Variants in COXFA4 observed in about 807,000 individuals in gnomAD.
The protein encoded by COXFA4 is cytochrome c oxidase subunit FA4.
At chr7:10,939,414 G>A in the COXFA4 span, 888 of 178,078 alleles carry the variant, frequency 5.0e-3, 5 homozygotes, top group Non-Finnish European at 7.5e-3. Context: ...CGTATTTAGG[G>A]AACCGGATTT....
the COXFA4 span, chr7:10,938,460 T>C: frequency 6.9e-6 from 3 of 432,284 alleles, no homozygotes; most frequent in Non-Finnish European, 1.2e-5. Context: ...TTTGATTGTC[T>C]ATTGTTTTTC....
chr7:10,940,002 G>C, the COXFA4 span: 2 of 1,613,724 alleles, frequency 1.2e-6, no homozygotes, highest in South Asian at 1.1e-5. Context: ...TTAGGAGAGC[G>C]GTCACGAACT....
At chr7:10,934,307 T>C in the COXFA4 span, among the ~76,000 whole-genome samples, 160 of 151,830 alleles carry the variant, frequency 1.1e-3, no homozygotes, top group African/African-American at 3.6e-3. Context: ...TTTTGCTGTT[T>C]ACATTTCCAA....
At chr7:10,938,218 T>C in the COXFA4 span, 1 of 1,328,814 alleles carries the variant, frequency 7.5e-7, no homozygotes, top group Non-Finnish European at 1.1e-6. Flanking sequence ...TAAGAATACA[T>C]TTTTGAACAG....
At chr7:10,936,853 CGG>C in the COXFA4 span, among the ~76,000 whole-genome samples, 2 of 151,948 alleles carry the variant, frequency 1.3e-5, no homozygotes, top group Non-Finnish European at 2.9e-5. Context: ...CTGGCCAACA[CGG>C]CAAAACCCCA....
chr7:10,938,704 T>C, the COXFA4 span: 2 of 822,776 alleles, frequency 2.4e-6, no homozygotes, highest in East Asian at 2.5e-5. Flanking sequence ...TGACTGTAAA[T>C]GTAACATTCT....
At chr7:10,939,949 CAGAA>C in the COXFA4 span, 1 of 1,573,190 alleles carries the variant, frequency 6.4e-7, no homozygotes, top group Non-Finnish European at 8.7e-7. Flanking sequence ...TCCCAGGGAA[CAGAA>C]AGAGGCGCAC....
chr7:10,936,195 C>T, the COXFA4 span, among the ~76,000 whole-genome samples: 6 of 152,188 alleles, frequency 3.9e-5, no homozygotes, highest in Non-Finnish European at 1.5e-5. Flanking sequence ...GGATTTGGTT[C>T]CTTTTCATTT....
the COXFA4 span, chr7:10,939,902 G>T: frequency 8.5e-7 from 1 of 1,180,122 alleles, no homozygotes; most frequent in Non-Finnish European, 1.3e-6. Context: ...GGCAGGGTCT[G>T]GTCTGACGGA....
chr7:10,935,480 G>A, the COXFA4 span, among the ~76,000 whole-genome samples: 1 of 152,304 alleles, frequency 6.6e-6, no homozygotes, highest in South Asian at 2.1e-4. Flanking sequence ...ATTATAGCAT[G>A]GCAACAAATA....
the COXFA4 span, chr7:10,938,493 G>A: frequency 2.4e-6 from 1 of 413,488 alleles, no homozygotes; most frequent in African/African-American, 2.0e-5. Context: ...GCAAGTGAAG[G>A]CAAAAAACAT....
chr7:10,937,367 C>A, the COXFA4 span, among the ~76,000 whole-genome samples: 7 of 151,926 alleles, frequency 4.6e-5, no homozygotes, highest in African/African-American at 1.7e-4. Flanking sequence ...ACTGCAACCT[C>A]CACCTCCCAG....
the COXFA4 span, among the ~76,000 whole-genome samples, chr7:10,934,847 T>G: frequency 6.6e-6 from 1 of 152,228 alleles, no homozygotes; most frequent in East Asian, 1.9e-4. Flanking sequence ...CAGTATTCTT[T>G]GTTCTGACAG....
chr7:10,933,945 G>A, the COXFA4 span, among the ~76,000 whole-genome samples: 1 of 152,092 alleles, frequency 6.6e-6, no homozygotes, highest in Non-Finnish European at 1.5e-5. Context: ...TCTACTACTT[G>A]GAACCTATAA....
chr7:10,940,008 G>C, the COXFA4 span: 5 of 1,613,832 alleles, frequency 3.1e-6, no homozygotes, highest in Non-Finnish European at 4.2e-6. Context: ...GAGCGGTCAC[G>C]AACTTACGCT....
the COXFA4 span, among the ~76,000 whole-genome samples, chr7:10,937,238 T>C: frequency 1.4e-5 from 2 of 147,804 alleles, no homozygotes; most frequent in Admixed American, 6.6e-5. Flanking sequence ...ACGTCAACTG[T>C]ATGGTATGTG....
At chr7:10,935,758 G>A in the COXFA4 span, among the ~76,000 whole-genome samples, 2 of 152,188 alleles carry the variant, frequency 1.3e-5, no homozygotes, top group Non-Finnish European at 2.9e-5. Context: ...TAAATTTGTT[G>A]TTTAAGCCAC....
chr7:10,932,188 CAA>C, the COXFA4 span: 9 of 150,256 alleles, frequency 6.0e-5, no homozygotes, highest in African/African-American at 2.2e-4. Flanking sequence ...TGGCAGAGCC[CAA>C]GTTAGCTACT....
At chr7:10,940,111 C>A in the COXFA4 span, 6 of 1,575,026 alleles carry the variant, frequency 3.8e-6, no homozygotes, top group Admixed American at 5.0e-5. Context: ...AGCCACCAGG[C>A]CCTAAGCTAA....
Sources: allele counts gnomAD v4.1 joint callset (sites outside exome capture counted in the v4.1 genomes callset), GRCh38; gene constraint gnomAD v4.1.1; transcripts MANE v1.5; gene names NCBI Gene and HGNC (gene_info 2026-07-23, HGNC 2026-07-21).